The following OTUD7A variants were observed in gnomAD, a reference collection of about 807,000 sequenced individuals.
OTUD7A encodes OTU deubiquitinase 7A.
OTUD7A carries 12 observed loss-of-function variants against 65.7 expected under a neutral mutation model. The observed-to-expected ratio is 0.18, with a 90% CI of 0.12 to 0.30. The LOEUF (loss-of-function observed/expected upper bound fraction) is 0.30, where lower values mean the gene tolerates loss of function less well. Ranked by LOEUF, OTUD7A falls within the 10% of genes least tolerant of loss-of-function variation. The probability of loss-of-function intolerance (pLI) is 1.00; values close to 1 mark genes in which losing one functional copy is unlikely to be tolerated. For synonymous variants in OTUD7A, 641 were observed against 586.3 expected, an observed-to-expected ratio of 1.09 and a Z score of -1.35; for missense variants, 1,148 against 1,304.8, an observed-to-expected ratio of 0.88 and a Z score of 1.85.
intron 1 of OTUD7A, among the ~76,000 whole-genome samples, chr15:31,718,267 T>C (rs1326770675): frequency 1.3e-5 from 2 of 152,236 alleles, no homozygotes; most frequent in South Asian, 2.1e-4. Flanking sequence ...TTGTTTCTCA[T>C]TAAATTTCTC....
chr15:31,686,495 T>C (rs956773585), intron 1 of OTUD7A, among the ~76,000 whole-genome samples: 1 of 152,266 alleles, frequency 6.6e-6, no homozygotes, highest in African/African-American at 2.4e-5. Context: ...TGCTTTCACC[T>C]GCACTTCACT....
At chr15:31,490,126 C>T (rs989904280) in intron 10 of OTUD7A, among the ~76,000 whole-genome samples, 3 of 152,256 alleles carry the variant, frequency 2.0e-5, no homozygotes, top group Non-Finnish European at 4.4e-5. Flanking sequence ...TGAGCAGCGG[C>T]TGCTCAGGAT....
chr15:31,649,903 T>A, intron 3 of OTUD7A: 1 of 255,766 alleles, frequency 3.9e-6, no homozygotes, highest in Non-Finnish European at 8.9e-6. Context: ...CTTCCTCCAG[T>A]CTCCCCAGTG....
intron 1 of OTUD7A, among the ~76,000 whole-genome samples, chr15:31,860,544 A>C (rs1897690454): frequency 6.7e-6 from 1 of 149,954 alleles, no homozygotes; most frequent in South Asian, 2.1e-4. Context: ...CAAAGGGAGG[A>C]ACGATGTCCA....
At chr15:31,810,032 A>G (rs1896378765) in intron 1 of OTUD7A, among the ~76,000 whole-genome samples, 1 of 152,200 alleles carries the variant, frequency 6.6e-6, no homozygotes, top group Non-Finnish European at 1.5e-5. Flanking sequence ...AGTGCAAGGC[A>G]CTCACAGCCA....
chr15:31,830,828 G>A (rs1468458219), intron 1 of OTUD7A, among the ~76,000 whole-genome samples: 2 of 152,214 alleles, frequency 1.3e-5, no homozygotes, highest in African/African-American at 4.8e-5. Context: ...GCCATGTTAT[G>A]CACAAGGAAA....
intron 12 of OTUD7A, among the ~76,000 whole-genome samples, chr15:31,485,733 C>G (rs959774078): frequency 8.5e-5 from 13 of 152,242 alleles, no homozygotes; most frequent in African/African-American, 3.1e-4. Flanking sequence ...GTGCTCATAC[C>G]TGAACAGGCG....
intron 1 of OTUD7A, among the ~76,000 whole-genome samples, chr15:31,858,171 G>A (rs528975347): frequency 3.5e-4 from 54 of 152,286 alleles, no homozygotes; most frequent in African/African-American, 1.1e-3. Flanking sequence ...CGAGCAGCCC[G>A]CTGAGGACCT....
chr15:31,592,438 G>A lies in OTUD7A; in HGVS notation c.152-22241C>T, dbSNP rs569898143. Among the ~76,000 whole-genome samples, 31 of 151,792 alleles carry A rather than the reference G, an allele frequency of 2.0e-4. No individual in the cohort carries two copies. The Middle Eastern group carries it at 0.017, about 83-fold the overall frequency. The stretch of plus-strand genomic sequence containing the variant: ...GGCCCACACAGGGTCAGGATCATCC[G>A]TATCAGTGTCTCCACCTCCACATCC... On this transcript the variant is annotated intron_variant, in intron 3 of 12. Coordinates refer to ENST00000307050, the MANE Select transcript of OTUD7A (RefSeq NM_001382637.1).
chr15:31,558,943 T>C (rs1385827187), intron 5 of OTUD7A, 26 bp downstream of exon 5: 8 of 1,610,606 alleles, frequency 5.0e-6, no homozygotes, highest in Non-Finnish European at 5.1e-6. Context: ...CTAAAGAGGG[T>C]GGGCCTGCTG....
intron 1 of OTUD7A, among the ~76,000 whole-genome samples, chr15:31,830,790 G>A (rs1896911566): frequency 6.6e-6 from 1 of 152,192 alleles, no homozygotes; most frequent in Admixed American, 6.5e-5. Flanking sequence ...AATTTTCTTA[G>A]TCATCACCAT....
Position 31,489,141 on chromosome 15 carries a change from G to A in OTUD7A, c.1172-1575C>T, listed in dbSNP as rs142364455. ...TGAGTCACTACACAAACAGAGAAGG[G>A]GTTAGCCTCGCTTCTTACTCATGGG... On this transcript the variant is annotated intron_variant, in intron 10 of 12. Transcript: ENST00000307050. Among the ~76,000 whole-genome samples the A allele has an allele frequency of 9.8e-5, 15 of 152,300 alleles. No homozygotes were observed. In the East Asian group the frequency reaches 2.9e-3, roughly 29 times the overall value.
intron 1 of OTUD7A, among the ~76,000 whole-genome samples, chr15:31,864,557 A>C (rs1010874060): frequency 1.1e-4 from 16 of 152,180 alleles, no homozygotes; most frequent in Admixed American, 1.0e-3. Flanking sequence ...TATCACGAGT[A>C]TAGCATGAGA....
chr15:31,758,623 T>C (rs1595750158), intron 1 of OTUD7A, among the ~76,000 whole-genome samples: 1 of 152,206 alleles, frequency 6.6e-6, no homozygotes. Context: ...ACAAAACTAA[T>C]ATGTTCTAAA....
intron 3 of OTUD7A, among the ~76,000 whole-genome samples, chr15:31,618,537 G>A (rs1198810905): frequency 2.0e-5 from 3 of 152,154 alleles, no homozygotes; most frequent in Admixed American, 6.5e-5. Context: ...CAATGATGAT[G>A]AGCATTTTTT....
chr15:31,547,553 A>G (rs935941673), intron 5 of OTUD7A, among the ~76,000 whole-genome samples: 3 of 152,226 alleles, frequency 2.0e-5, no homozygotes, highest in African/African-American at 4.8e-5. Context: ...TCACAAAAAT[A>G]AAAGTGAGAA....
chr15:31,823,280 T>C (rs1896729512), intron 1 of OTUD7A, among the ~76,000 whole-genome samples: 1 of 152,226 alleles, frequency 6.6e-6, no homozygotes, highest in East Asian at 1.9e-4. Context: ...ACCAATCTTA[T>C]TAAGCTGGGC....
chr15:31,685,758 A>G (rs1271013614), intron 1 of OTUD7A, among the ~76,000 whole-genome samples: 1 of 152,222 alleles, frequency 6.6e-6, no homozygotes, highest in East Asian at 1.9e-4. Flanking sequence ...GAACATGGCA[A>G]CAGACGACTT....
At chr15:31,590,381 ATGTG>A (rs1266963719) in intron 3 of OTUD7A, among the ~76,000 whole-genome samples, 2 of 152,198 alleles carry the variant, frequency 1.3e-5, no homozygotes, top group African/African-American at 4.8e-5. Flanking sequence ...ATGACTATAT[ATGTG>A]TGTGTTTATT....
Sources: allele counts gnomAD v4.1 joint callset (sites outside exome capture counted in the v4.1 genomes callset), GRCh38; gene constraint gnomAD v4.1.1; transcripts MANE v1.5; gene names NCBI Gene and HGNC (gene_info 2026-07-23, HGNC 2026-07-21).